SPOCK3: variants seen among roughly 807,000 people sequenced by gnomAD.
SPOCK3 encodes SPARC (osteonectin), cwcv and kazal like domains proteoglycan 3, also known as testican-3.
SPOCK3 carries 30 observed loss-of-function variants against 56.6 expected under a neutral mutation model. The ratio of observed to expected loss-of-function variants is 0.53; its 90% CI spans 0.40 to 0.72. The LOEUF (loss-of-function observed/expected upper bound fraction) is 0.72, where lower values mean the gene tolerates loss of function less well. Among genes scored for constraint, SPOCK3 ranks in the 30% least tolerant of loss-of-function variants. SPOCK3 has a pLI of 0.00. For missense variants in SPOCK3, 527 were observed against 530.0 expected, an observed-to-expected ratio of 0.99 and a Z score of 0.06; for synonymous variants, 196 against 183.3, an observed-to-expected ratio of 1.07 and a Z score of -0.56.
chr4:167,225,708 C>T (rs1736527709), intron 2 of SPOCK3, among the ~76,000 whole-genome samples: 1 of 151,970 alleles, frequency 6.6e-6, no homozygotes, highest in Admixed American at 6.6e-5. Flanking sequence ...GTGCAACTCA[C>T]CATCTCTGTT....
Position 166,848,718 on chromosome 4 carries a change from A to C in SPOCK3, c.589+40412T>G, listed in dbSNP as rs530548046. ...ATGTGAGGCGCTTGTGCAGGTGATC[A>C]CTGATAAGATTCTGGGAGCCAACAA... is the stretch of plus-strand genomic sequence containing the variant. On this transcript the variant is annotated intron_variant, in intron 6 of 10. Coordinates refer to ENST00000357545, the MANE Select transcript of SPOCK3 (RefSeq NM_001040159.2). Among the ~76,000 whole-genome samples the C allele has an allele frequency of 2.0e-5, 3 of 152,162 alleles. No individual in the cohort carries two copies. In the East Asian group the frequency reaches 5.8e-4, roughly 29 times the overall value.
intron 2 of SPOCK3, among the ~76,000 whole-genome samples, chr4:167,117,472 G>T (rs535808154): frequency 2.6e-5 from 4 of 152,244 alleles, no homozygotes; most frequent in African/African-American, 9.6e-5. Context: ...GCTGCAACAG[G>T]CTGGCTCAGG....
intron 3 of SPOCK3, among the ~76,000 whole-genome samples, chr4:167,054,839 T>A (rs950369155): frequency 1.3e-5 from 2 of 152,180 alleles, no homozygotes; most frequent in Admixed American, 6.5e-5. Context: ...AGAAGCAAAT[T>A]TGCAAGTGTA....
At chr4:166,984,913 GCTTTTAGTT>G (rs1043233584) in intron 4 of SPOCK3, among the ~76,000 whole-genome samples, 6 of 152,016 alleles carry the variant, frequency 3.9e-5, no homozygotes, top group African/African-American at 1.2e-4. Context: ...TAATGATCAT[GCTTTTAGTT>G]CCTTACATGG....
chr4:166,921,902 C>G (rs1738531842), intron 4 of SPOCK3, among the ~76,000 whole-genome samples: 1 of 152,142 alleles, frequency 6.6e-6, no homozygotes, highest in Admixed American at 6.6e-5. Context: ...CTTCTAGATA[C>G]TGTTTAGTTA....
At chr4:167,129,939 G>C (rs767540597) in intron 2 of SPOCK3, among the ~76,000 whole-genome samples, 2 of 151,932 alleles carry the variant, frequency 1.3e-5, no homozygotes, top group Non-Finnish European at 2.9e-5. Context: ...GTCATGAGAG[G>C]GTGTTTTGGT....
chr4:166,770,908 A>T (rs1032472490), intron 7 of SPOCK3, among the ~76,000 whole-genome samples: 3 of 151,884 alleles, frequency 2.0e-5, no homozygotes, highest in African/African-American at 7.2e-5. Context: ...TCTAATTTTC[A>T]TTGTGGTGAC....
rs532730825 is a variant in SPOCK3 at position 167,119,676 on chromosome 4, G to A, written c.190-57139C>T. ...TCAGTCATAGACTTGTTTGTTTGAT[G>A]CATATCAGAAAAACAACACATTTGA... On this transcript the variant is annotated intron_variant, in intron 2 of 10. Transcript: ENST00000357545. 5.8e-5 allele frequency: 39 copies of A among 672,444 alleles called. 1 individual carries two copies. The South Asian group carries it at 8.1e-4, about 14-fold the overall frequency. 41.7% of individuals were successfully genotyped at this position (672,444 alleles called of 1,614,324 possible).
At chr4:167,095,046 C>T (rs1759030119) in intron 2 of SPOCK3, among the ~76,000 whole-genome samples, 1 of 152,070 alleles carries the variant, frequency 6.6e-6, no homozygotes, top group African/African-American at 2.4e-5. Flanking sequence ...GGAAGGCATT[C>T]TTTCTTACTC....
chr4:166,907,784 A>G lies in SPOCK3; in HGVS notation c.474+4836T>C, dbSNP rs527622215. ...AATTTGAAATTTTATGATAAATTTCATTCATATTATTTCCTTTAATGTTCA... is the reference window on the plus strand; with the variant it reads ...AATTTGAAATTTTATGATAAATTTCGTTCATATTATTTCCTTTAATGTTCA... On this transcript the variant is annotated intron_variant, in intron 5 of 10. Transcript: ENST00000357545. Among the ~76,000 whole-genome samples the G allele has an allele frequency of 5.6e-4, 85 of 152,208 alleles. 1 individual carries two copies. Among genetic ancestry groups the G allele is most frequent in the African/African-American group, 1.9e-3 (81 of 41,572 alleles).
chr4:167,055,123 C>A (rs1430215910), intron 3 of SPOCK3, among the ~76,000 whole-genome samples: 1 of 151,866 alleles, frequency 6.6e-6, no homozygotes, highest in East Asian at 1.9e-4. Flanking sequence ...GTAAGTTTTT[C>A]TTCACTTTTT....
At chr4:166,894,285 A>G in intron 5 of SPOCK3, among the ~76,000 whole-genome samples, 1 of 152,104 alleles carries the variant, frequency 6.6e-6, no homozygotes, top group East Asian at 1.9e-4. Context: ...GGGAAAAAAA[A>G]TCTTGTGCCA....
chr4:167,227,451 C>A (rs138618974), intron 2 of SPOCK3, among the ~76,000 whole-genome samples: 241 of 152,086 alleles, frequency 1.6e-3, no homozygotes, highest in African/African-American at 5.3e-3. Flanking sequence ...AATATAATGT[C>A]ACCTCATTTA....
At chr4:166,931,112 G>T (rs964515818) in intron 4 of SPOCK3, among the ~76,000 whole-genome samples, 1 of 152,144 alleles carries the variant, frequency 6.6e-6, no homozygotes, top group Non-Finnish European at 1.5e-5. Flanking sequence ...CTCCCGAGCA[G>T]CTGAGATGAC....
intron 6 of SPOCK3, among the ~76,000 whole-genome samples, chr4:166,820,840 A>C (rs988145407): frequency 2.6e-5 from 4 of 152,090 alleles, no homozygotes; most frequent in African/African-American, 9.6e-5. Flanking sequence ...AAATAATTAA[A>C]ACTATAAAGT....
chr4:166,779,291 A>G (rs1180955205), intron 7 of SPOCK3, among the ~76,000 whole-genome samples: 1 of 152,200 alleles, frequency 6.6e-6, no homozygotes, highest in Non-Finnish European at 1.5e-5. Flanking sequence ...TTCTCAAAAA[A>G]AAAGTAAAGA....
chr4:166,944,960 T>C (rs1741544131), intron 4 of SPOCK3, among the ~76,000 whole-genome samples: 1 of 152,216 alleles, frequency 6.6e-6, no homozygotes, highest in Non-Finnish European at 1.5e-5. Context: ...TGGGTTATAA[T>C]TTGATACCAT....
In SPOCK3 at chr4:166,937,763, C is replaced by CT. The variant is rs34980509; in HGVS notation, c.351-25021dup. Among the ~76,000 whole-genome samples the CT allele has an allele frequency of 2.5e-3, 304 of 123,008 alleles. 3 individuals carry two copies. Among genetic ancestry groups the CT allele is most frequent in the Admixed American group, 6.4e-3 (74 of 11,536 alleles). The allele number at this position is 123,008 out of a possible 152,430, so 80.7% of individuals were successfully genotyped here. A position where few individuals can be genotyped will look rare whatever the true frequency, so the allele number is the denominator to read the frequency against. ...TTTTTTCTTTTTTCTATTTTTTTTTCTTTTTTTTTTTTGAGACGGAGTGTC... is the reference window on the plus strand; with the variant it reads ...TTTTTTCTTTTTTCTATTTTTTTTTCTTTTTTTTTTTTTGAGACGGAGTGTC... On this transcript the variant is annotated intron_variant, in intron 4 of 10. Coordinates refer to ENST00000357545, the MANE Select transcript of SPOCK3 (RefSeq NM_001040159.2).
At chr4:166,959,258 T>C (rs975608266) in intron 4 of SPOCK3, among the ~76,000 whole-genome samples, 3 of 152,132 alleles carry the variant, frequency 2.0e-5, no homozygotes, top group Admixed American at 1.3e-4. Context: ...ATGACTTTTT[T>C]CAACGAATTA....
Sources: allele counts gnomAD v4.1 joint callset (sites outside exome capture counted in the v4.1 genomes callset), GRCh38; gene constraint gnomAD v4.1.1; transcripts MANE v1.5; gene names NCBI Gene and HGNC (gene_info 2026-07-23, HGNC 2026-07-21).